The following PCF11 variants were observed in gnomAD, a reference collection of about 807,000 sequenced individuals.
PCF11 encodes the protein pre-mRNA cleavage complex 2 protein Pcf11.
Under a neutral mutation model 166.1 loss-of-function variants are expected in PCF11, and 19 were observed. That is an observed-to-expected ratio of 0.11 (90% confidence interval 0.08 to 0.17). The LOEUF is 0.17. Ranked by LOEUF, PCF11 falls within the 10% of genes least tolerant of loss-of-function variation. PCF11 has a pLI of 1.00. For missense variants in PCF11, 1,565 were observed against 1,855.5 expected (o/e 0.84, Z 2.88); for synonymous variants, 663 against 644.1 (o/e 1.03, Z -0.44).
intron 4 of PCF11, among the ~76,000 whole-genome samples, chr11:83,165,181 C>T (rs1392751370): frequency 2.6e-5 from 4 of 152,132 alleles, no homozygotes; most frequent in African/African-American, 9.7e-5. Flanking sequence ...TGCAGGAAGG[C>T]AGAATTTTAT....
At chr11:83,158,434 C>G (rs1860086176) in intron 1 of PCF11, 1 of 152,152 alleles carries the variant, frequency 6.6e-6, no homozygotes, top group Admixed American at 6.5e-5. Context: ...AGTCCCTCCT[C>G]CTCTTCCTTT....
At chr11:83,171,610 T>C (rs939342678) in intron 8 of PCF11, among the ~76,000 whole-genome samples, 3 of 152,242 alleles carry the variant, frequency 2.0e-5, no homozygotes, top group East Asian at 1.9e-4. Context: ...CAGTAACTTA[T>C]ACCTCTATGA....
chr11:83,169,116 G>A, exon 8 of PCF11: 3 of 1,613,390 alleles, frequency 1.9e-6, no homozygotes, highest in Admixed American at 1.7e-5. Context: ...CAGGGGCTGC[G>A]ATTAGGTTTG....
rs749467301 is a variant in PCF11 at position 83,167,339 on chromosome 11, T to C, written c.2001+31T>C. ...TACTATGATTAATCCCATGTAGTCATCATTATCTATCGTCTATTTTTTTGG... is the reference window on the plus strand; with the variant it reads ...TACTATGATTAATCCCATGTAGTCACCATTATCTATCGTCTATTTTTTTGG... On this transcript the variant is annotated intron_variant, in intron 6 of 15. Coordinates refer to ENST00000298281, the Ensembl canonical transcript of PCF11. The surrounding 1 kb of genome is among the most constrained non-coding windows in gnomAD (Gnocchi z 4.2). The C allele has an allele frequency of 5.1e-6, 8 of 1,562,676 alleles. No homozygotes were observed. The highest frequency in any genetic ancestry group is 6.9e-6 in the Non-Finnish European group (8 of 1,155,432).
chr11:83,157,161 T>C, exon 1 of PCF11: 1 of 571,918 alleles, frequency 1.7e-6, no homozygotes, highest in South Asian at 2.3e-5. Flanking sequence ...ACACAGACAT[T>C]TTCGGAGCTG....
At chr11:83,157,793 G>GCC (rs1860051402) in intron 1 of PCF11, 162 bp downstream of exon 1, 1 of 647,338 alleles carries the variant, frequency 1.5e-6, no homozygotes, top group East Asian at 2.7e-5. Flanking sequence ...CAGGCTTCGA[G>GCC]CATGGGCCTC....
chr11:83,167,344 A>T lies in PCF11; in HGVS notation c.2001+36A>T. On this transcript the variant is annotated intron_variant, in intron 6 of 15. Coordinates refer to ENST00000298281, the Ensembl canonical transcript of PCF11. The surrounding 1 kb of genome is among the most constrained non-coding windows in gnomAD (Gnocchi z 4.2). ...TGATTAATCCCATGTAGTCATCATT[A>T]TCTATCGTCTATTTTTTTGGTATTT... 6.4e-7 allele frequency: 1 copy of T among 1,555,164 alleles called. No individual in the cohort carries two copies. Among genetic ancestry groups the T allele is most frequent in the Non-Finnish European group, 8.7e-7 (1 of 1,152,452 alleles).
chr11:83,161,492 AAAT>A (rs1463691534), intron 2 of PCF11, 40 bp downstream of exon 2: 8 of 1,435,786 alleles, frequency 5.6e-6, no homozygotes, highest in Non-Finnish European at 7.5e-6. Context: ...TTTTTTTAAA[AAAT>A]GTGTTCCTGA....
chr11:83,170,712 G>A (rs987708245), intron 8 of PCF11, among the ~76,000 whole-genome samples: 2 of 152,140 alleles, frequency 1.3e-5, no homozygotes, highest in South Asian at 2.1e-4. Context: ...TTTTGCTTGC[G>A]TGCTGAAATT....
Position 83,177,103 on chromosome 11 carries a change from A to G in PCF11, c.3776A>G (p.Tyr1259Cys), listed in dbSNP as rs1297541099. The change falls in exon 10 of 16, where the codon TAT becomes TGT. Residue 1259 changes from tyrosine to cysteine, a missense_variant. By Grantham distance (194) the Tyr-to-Cys change is radical. Coordinates refer to ENST00000298281, the Ensembl canonical transcript of PCF11. The stretch of plus-strand genomic sequence containing the variant: ...TTGTTAGGAGCCCTCCCTAAGGCAT[A>G]TCCTGATAATCATCTCAGTCAGGTG... 6.4e-7 allele frequency: 1 copy of G among 1,561,468 alleles called. No individual in the cohort carries two copies. The highest frequency in any genetic ancestry group is 2.0e-5 in the Admixed American group (1 of 51,246).
intron 9 of PCF11, 56 bp downstream of exon 9, chr11:83,171,970 A>G: frequency 1.2e-6 from 1 of 842,052 alleles, no homozygotes. Context: ...GTTTTGTTGA[A>G]TAGCTAACTT....
chr11:83,166,035 C>T, exon 5 of PCF11: 4 of 1,601,930 alleles, frequency 2.5e-6, no homozygotes. Flanking sequence ...CAAATTATCT[C>T]ACACAAAAGA....
chr11:83,163,602 A>G (rs1469143763), intron 2 of PCF11, 77 bp from the exon 3 acceptor site: 1 of 491,946 alleles, frequency 2.0e-6, no homozygotes, highest in African/African-American at 2.0e-5. Context: ...AGTAGAGCAG[A>G]TTTATATAAC....
rs147675023 is a variant in PCF11 at position 83,174,405 on chromosome 11, A to G, written c.3757+2491A>G. ...TTTAAAGTTTTTTTTTTTTTTTTAA[A>G]GAGGGTGCTCACTATGTAGCCCAGG... On this transcript the variant is annotated intron_variant, in intron 9 of 15. Coordinates refer to ENST00000298281, the Ensembl canonical transcript of PCF11. Among the ~76,000 whole-genome samples the G allele has an allele frequency of 8.3e-3, 1,249 of 149,818 alleles. 14 individuals are homozygous for G. Among genetic ancestry groups the G allele is most frequent in the African/African-American group, 0.029 (1,191 of 40,584 alleles).
intron 12 of PCF11, 25 bp downstream of exon 12, chr11:83,181,216 G>C: frequency 7.9e-7 from 1 of 1,271,992 alleles, no homozygotes; most frequent in Non-Finnish European, 1.1e-6. Flanking sequence ...TGCCTCCATA[G>C]TATCTTTTAG....
chr11:83,176,488 A>G (rs551766420), intron 9 of PCF11, among the ~76,000 whole-genome samples: 3 of 152,316 alleles, frequency 2.0e-5, no homozygotes, highest in African/African-American at 7.2e-5. Flanking sequence ...CATATACACC[A>G]TGGAGTACTT....
At chr11:83,165,537 T>C in intron 4 of PCF11, 63 bp from the exon 5 acceptor site, 1 of 1,292,260 alleles carries the variant, frequency 7.7e-7, no homozygotes, top group Non-Finnish European at 1.1e-6. Context: ...TTCAGTTGTT[T>C]GCAATTTCTT....
exon 16 of PCF11, chr11:83,184,788 C>A: frequency 1.2e-6 from 2 of 1,609,970 alleles, no homozygotes; most frequent in Non-Finnish European, 1.7e-6. Flanking sequence ...TGTGACAGTC[C>A]CAAAGTTAAG....
chr11:83,161,490 A>G, intron 2 of PCF11, 38 bp downstream of exon 2: 1 of 1,442,712 alleles, frequency 6.9e-7, no homozygotes, highest in Non-Finnish European at 9.3e-7. Context: ...TTTTTTTTTA[A>G]AAAATGTGTT....
Sources: allele counts gnomAD v4.1 joint callset (sites outside exome capture counted in the v4.1 genomes callset), GRCh38; gene constraint gnomAD v4.1.1; non-coding constraint Gnocchi (gnomAD v3.1); transcripts MANE v1.5; gene names NCBI Gene and HGNC (gene_info 2026-07-23, HGNC 2026-07-21).